ANGPT2: variants seen among roughly 807,000 people sequenced by gnomAD.
ANGPT2 encodes the protein angiopoietin-2.
In ANGPT2, 28 loss-of-function variants were observed where a neutral mutation model predicts 62.9. That is an observed-to-expected ratio of 0.44 (90% confidence interval 0.33 to 0.61). ANGPT2 has a LOEUF of 0.61. Ranked by LOEUF, ANGPT2 falls within the 20% of genes least tolerant of loss-of-function variation. ANGPT2 has a pLI of 0.03. For missense variants in ANGPT2, 727 were observed against 594.9 expected (o/e 1.22, Z -2.31); for synonymous variants, 284 against 207.8 (o/e 1.37, Z -3.15).
At chr8:6,523,710 C>G (rs968124778) in intron 3 of ANGPT2, among the ~76,000 whole-genome samples, 1 of 152,124 alleles carries the variant, frequency 6.6e-6, no homozygotes, top group African/African-American at 2.4e-5. Flanking sequence ...CTGCCTCAGC[C>G]TCCTGAGTAG....
chr8:6,522,445 T>C (rs1002847806), intron 3 of ANGPT2, among the ~76,000 whole-genome samples: 2 of 152,018 alleles, frequency 1.3e-5, no homozygotes, highest in Admixed American at 1.3e-4. Flanking sequence ...ATATAGACAT[T>C]ATTATTCCCA....
In ANGPT2 at chr8:6,511,289, A is replaced by AT. The variant is rs33939886; in HGVS notation, c.1197-2228dup. On this transcript the variant is annotated intron_variant, in intron 7 of 8. Coordinates refer to ENST00000629816, the MANE Select transcript of ANGPT2 (RefSeq NM_001118887.2). Reference sequence around the variant, plus strand: ...AGTTGCTTTACATTGGTATGGGTTGATTTTTTTTTTTCAATCTCTGCAGCT... The same window carrying AT: ...AGTTGCTTTACATTGGTATGGGTTGATTTTTTTTTTTTCAATCTCTGCAGCT... 3.5e-4 allele frequency among the ~76,000 whole-genome samples: 52 copies of AT among 149,490 alleles called. 1 individual carries two copies. The South Asian group carries it at 3.8e-3, about 11-fold the overall frequency.
At chr8:6,529,060 C>T (rs1301610340) in intron 2 of ANGPT2, among the ~76,000 whole-genome samples, 1 of 152,162 alleles carries the variant, frequency 6.6e-6, no homozygotes, top group Non-Finnish European at 1.5e-5. Context: ...AGGGTTATAA[C>T]ATGAGTAAAA....
chr8:6,557,017 G>C (rs910553915), intron 1 of ANGPT2, among the ~76,000 whole-genome samples: 1 of 151,910 alleles, frequency 6.6e-6, no homozygotes, highest in South Asian at 2.1e-4. Context: ...CCCCAAACTG[G>C]AAACCCCACC....
chr8:6,549,517 G>A (rs1317569493), intron 1 of ANGPT2, among the ~76,000 whole-genome samples: 1 of 152,180 alleles, frequency 6.6e-6, no homozygotes, highest in Non-Finnish European at 1.5e-5. Context: ...CTTGAGCTGG[G>A]CAGTCATTAC....
At position 6,502,353 on chromosome 8, in the gene ANGPT2, G is replaced by C. The variant is rs982927688; in HGVS notation, c.*748C>G. The C allele has an allele frequency of 6.6e-6, 1 of 151,994 alleles. No homozygotes were observed. The highest frequency in any genetic ancestry group is 1.5e-5 in the Non-Finnish European group (1 of 67,980). The allele number at this position is 151,994 out of a possible 1,614,324, so 9.4% of individuals were successfully genotyped here. The stretch of plus-strand genomic sequence containing the variant: ...TACCTTCATATTTAACAATCAGGCA[G>C]AAAAAAATAGTACGGTCTGCATATA... On this transcript the variant is annotated 3_prime_UTR_variant, in exon 9 of 9. Coordinates refer to ENST00000629816, the MANE Select transcript of ANGPT2 (RefSeq NM_001118887.2).
At chr8:6,539,166 T>C (rs1267208313) in intron 1 of ANGPT2, among the ~76,000 whole-genome samples, 1 of 152,178 alleles carries the variant, frequency 6.6e-6, no homozygotes. Flanking sequence ...CACTTTGTCC[T>C]CCTAAACCCC....
intron 8 of ANGPT2, among the ~76,000 whole-genome samples, chr8:6,503,504 G>T (rs961184463): frequency 6.6e-6 from 1 of 152,128 alleles, no homozygotes; most frequent in African/African-American, 2.4e-5. Context: ...CCCTTGTGCT[G>T]TGTGGAGAGG....
intron 8 of ANGPT2, among the ~76,000 whole-genome samples, chr8:6,507,272 A>G (rs949708088): frequency 3.3e-5 from 5 of 152,244 alleles, no homozygotes; most frequent in Non-Finnish European, 7.3e-5. Context: ...ACTTTCATTT[A>G]TAAAACATGT....
At position 6,520,022 on chromosome 8, in the gene ANGPT2, C is replaced by T. The variant is rs532699897; in HGVS notation, c.800-31G>A. ...TTTAAAAAATAGTAAGGCATTTAAA[C>T]GGAGTTCATGAAAAGACAAAGACTT... On this transcript the variant is annotated intron_variant, in intron 4 of 8. Coordinates refer to ENST00000629816, the MANE Select transcript of ANGPT2 (RefSeq NM_001118887.2). 4.1e-5 allele frequency: 66 copies of T among 1,609,120 alleles called. No homozygotes were observed. In the Admixed American group the frequency reaches 4.5e-4, roughly 11 times the overall value.
chr8:6,514,428 A>G (rs1045348347), intron 6 of ANGPT2, among the ~76,000 whole-genome samples: 1 of 152,144 alleles, frequency 6.6e-6, no homozygotes, highest in Non-Finnish European at 1.5e-5. Flanking sequence ...ACCTCAGGTA[A>G]TCCATCTGCC....
chr8:6,529,257 C>G lies in ANGPT2; in HGVS notation c.445-1581G>C, dbSNP rs57778376. 4.9e-3 allele frequency among the ~76,000 whole-genome samples: 739 copies of G among 152,240 alleles called. 8 individuals carry two copies. The highest frequency in any genetic ancestry group is 0.016 in the African/African-American group (651 of 41,536). ...TCTCATTCCCTTTAAGATATGAGAC[C>G]TCCAGCCACCCATTGTTGCTCAATT... On this transcript the variant is annotated intron_variant, in intron 2 of 8. Coordinates refer to ENST00000629816, the MANE Select transcript of ANGPT2 (RefSeq NM_001118887.2).
At position 6,530,866 on chromosome 8, in the gene ANGPT2, C is replaced by T. The variant is rs933024411; in HGVS notation, c.444+1466G>A. 3.9e-5 allele frequency among the ~76,000 whole-genome samples: 6 copies of T among 152,290 alleles called. No homozygotes were observed. In the East Asian group the frequency reaches 7.7e-4, roughly 20 times the overall value. The stretch of plus-strand genomic sequence containing the variant: ...CTGTGTCCTTCTAGAATGAGTCTTA[C>T]GAGAGTGGCAGGGCTTATGGCATCT... On this transcript the variant is annotated intron_variant, in intron 2 of 8. Coordinates refer to ENST00000629816, the MANE Select transcript of ANGPT2 (RefSeq NM_001118887.2).
intron 6 of ANGPT2, among the ~76,000 whole-genome samples, chr8:6,514,207 T>A (rs1815768819): frequency 6.6e-6 from 1 of 152,140 alleles, no homozygotes; most frequent in Non-Finnish European, 1.5e-5. Context: ...CAGCCTTGTT[T>A]ATTTGAGAGT....
chr8:6,552,780 G>A (rs755857792), intron 1 of ANGPT2, among the ~76,000 whole-genome samples: 3 of 151,460 alleles, frequency 2.0e-5, no homozygotes, highest in Non-Finnish European at 4.4e-5. Flanking sequence ...ATTAAGGCAA[G>A]AGATCACTCA....
intron 1 of ANGPT2, among the ~76,000 whole-genome samples, chr8:6,543,680 G>A (rs1379081086): frequency 6.6e-6 from 1 of 152,060 alleles, no homozygotes; most frequent in South Asian, 2.1e-4. Flanking sequence ...GCTGAAGTTC[G>A]TGCTTTTCTG....
chr8:6,540,826 G>T (rs1455178846), intron 1 of ANGPT2, among the ~76,000 whole-genome samples: 1 of 152,258 alleles, frequency 6.6e-6, no homozygotes, highest in Admixed American at 6.5e-5. Flanking sequence ...GGAGGCAGGG[G>T]CGCCGCAGGG....
At chr8:6,551,062 A>G (rs1269257192) in intron 1 of ANGPT2, among the ~76,000 whole-genome samples, 1 of 152,190 alleles carries the variant, frequency 6.6e-6, no homozygotes, top group Non-Finnish European at 1.5e-5. Context: ...AGAAGGGGTA[A>G]GTGTGCTAGG....
chr8:6,539,827 T>G (rs554425305), intron 1 of ANGPT2, among the ~76,000 whole-genome samples: 100 of 152,350 alleles, frequency 6.6e-4, no homozygotes, highest in African/African-American at 2.4e-3. Context: ...CATCAGGCCA[T>G]CTGCCTGCCT....
Sources: gnomAD v4.1 joint callset for allele counts (sites outside exome capture counted in the v4.1 genomes callset) on GRCh38, gnomAD v4.1.1 for gene constraint, MANE v1.5 for transcripts, NCBI Gene and HGNC (gene_info 2026-07-23, HGNC 2026-07-21) for gene names.